Variants in RBSN observed in about 807,000 individuals in gnomAD.
The protein encoded by RBSN is rabenosyn-5.
In RBSN, 34 loss-of-function variants were observed where a neutral mutation model predicts 60.5. The ratio of observed to expected loss-of-function variants is 0.56; its 90% CI spans 0.43 to 0.75. The LOEUF (loss-of-function observed/expected upper bound fraction) is 0.75, where lower values mean the gene tolerates loss of function less well. RBSN is among the 30% of genes least tolerant of loss of function. The probability of loss-of-function intolerance (pLI) is 0.00; values close to 1 mark genes in which losing one functional copy is unlikely to be tolerated. For synonymous variants in RBSN, 322 were observed against 366.9 expected (o/e 0.88, Z 1.40); for missense variants, 845 against 986.8 (o/e 0.86, Z 1.92).
At position 15,074,003 on chromosome 3, in the gene RBSN, C is replaced by T; in HGVS notation, c.2134G>A (p.Glu712Lys). ...SSPLVPGNPF[E>K]EPTCINPFEM... ...AAGGGGTTGATACAGGTGGGTTCCT[C>T]AAAGGGGTTACCAGGAACCAGAGGG... Residue 712 changes from glutamate to lysine, a missense_variant, in exon 14 of 14, where the codon GAG becomes AAG. Physicochemically the swap from Glu to Lys is moderately conservative, Grantham distance 56 (BLOSUM62 1). Transcript: ENST00000253699. The surrounding 1 kb of genome is among the most constrained non-coding windows in gnomAD (Gnocchi z 6.4). 1.9e-6 allele frequency: 3 copies of T among 1,614,026 alleles called. No homozygotes were observed. Among genetic ancestry groups the T allele is most frequent in the Non-Finnish European group, 2.5e-6 (3 of 1,179,990 alleles).
chr3:15,086,090 C>CAA, intron 5 of RBSN, 129 bp from the exon 6 acceptor site: 9 of 163,040 alleles, frequency 5.5e-5, no homozygotes, highest in South Asian at 4.7e-4. Context: ...CCGTCTCTCT[C>CAA]CAAAAAAAAA....
At position 15,077,129 on chromosome 3, in the gene RBSN, G is replaced by C; in HGVS notation, c.1034C>G (p.Pro345Arg). 1 of 1,614,052 alleles carries C rather than the reference G, an allele frequency of 6.2e-7. No homozygotes were observed. The highest frequency in any genetic ancestry group is 8.5e-7 in the Non-Finnish European group (1 of 1,179,972). The change falls in exon 12 of 14, where the codon CCT (proline) becomes CGT (arginine). Residue 345 changes from proline (P) to arginine (R), a missense_variant. Physicochemically the swap from Pro to Arg is moderately radical, Grantham distance 103 (BLOSUM62 -2). Transcript: ENST00000253699. The surrounding 1 kb of genome is among the most constrained non-coding windows in gnomAD (Gnocchi z 4.4). ...CCGCAAATTGCTTGGATGTGGTGGAGGGTCCTGGTTCAAGCCCAAGGTTAA... is the reference window on the plus strand; with the variant it reads ...CCGCAAATTGCTTGGATGTGGTGGACGGTCCTGGTTCAAGCCCAAGGTTAA... ...KILTLGLNQDPPPHPSNLRLQ... is the reference protein window; with the variant it reads ...KILTLGLNQDRPPHPSNLRLQ...
At chr3:15,096,421 T>C (rs1282515948) in intron 3 of RBSN, 114 bp downstream of exon 3, 2 of 262,344 alleles carry the variant, frequency 7.6e-6, no homozygotes, top group Non-Finnish European at 1.4e-5. Flanking sequence ...AAACAAACTC[T>C]TTCTCAAATC....
intron 5 of RBSN, among the ~76,000 whole-genome samples, chr3:15,086,621 T>C (rs2125172689): frequency 6.6e-6 from 1 of 152,374 alleles, no homozygotes; most frequent in Admixed American, 6.5e-5. Context: ...CTTAACTGAC[T>C]CTCATGCCAA....
intron 4 of RBSN, among the ~76,000 whole-genome samples, chr3:15,092,580 T>C (rs2043545217): frequency 6.6e-6 from 1 of 152,138 alleles, no homozygotes; most frequent in Admixed American, 6.5e-5. Context: ...AGCTAATTTT[T>C]GTATTTTTTT....
At chr3:15,085,144 T>G in intron 6 of RBSN, 99 bp from the exon 7 acceptor site, 1 of 1,355,956 alleles carries the variant, frequency 7.4e-7, no homozygotes, top group South Asian at 1.2e-5. Flanking sequence ...ACATTTGCAT[T>G]CCTCAAGTCT....
At position 15,096,230 on chromosome 3, in the gene RBSN, T is replaced by G; in HGVS notation, c.-110A>C. The G allele has an allele frequency of 8.2e-7, 1 of 1,221,936 alleles. No homozygotes were observed. Among genetic ancestry groups the G allele is most frequent in the Non-Finnish European group, 1.1e-6 (1 of 922,472 alleles). 75.7% of individuals were successfully genotyped at this position (1,221,936 alleles called of 1,614,324 possible). On this transcript the variant is annotated 5_prime_UTR_variant, in exon 4 of 14. Coordinates refer to ENST00000253699, the MANE Select transcript of RBSN (RefSeq NM_022340.4). ...AGCATTAGCTTAAGCAGCACACAGA[T>G]GGTGAGGAAGTGGCTTCATGGCCCT...
chr3:15,090,100 T>C (rs562920210), intron 5 of RBSN, among the ~76,000 whole-genome samples: 1 of 152,150 alleles, frequency 6.6e-6, no homozygotes, highest in East Asian at 1.9e-4. Context: ...GTCAGAGAGA[T>C]ATGGATTCAT....
At chr3:15,097,342 C>T (rs1004478357) in intron 2 of RBSN, among the ~76,000 whole-genome samples, 1 of 151,986 alleles carries the variant, frequency 6.6e-6, no homozygotes, top group African/African-American at 2.4e-5. Flanking sequence ...TGGTGAAACC[C>T]TATCTCTACT....
At position 15,077,692 on chromosome 3, in the gene RBSN, C is replaced by T. The variant is rs2043089065; in HGVS notation, c.998+383G>A. Among the ~76,000 whole-genome samples the T allele has an allele frequency of 6.6e-6, 1 of 152,116 alleles. No homozygotes were observed. Among genetic ancestry groups the T allele is most frequent in the Non-Finnish European group, 1.5e-5 (1 of 68,036 alleles). ...TTGAGCACAGACACAAAGAAAGAAC[C>T]TGAGTTTCTATCTTCACTCCACAAT... On this transcript the variant is annotated intron_variant, in intron 11 of 13. Transcript: ENST00000253699. This position sits in a 1 kb window ranked among gnomAD's most constrained non-coding sequence, Gnocchi z 4.4.
In RBSN at chr3:15,077,184, T is replaced by C; in HGVS notation, c.999-20A>G. On this transcript the variant is annotated intron_variant, in intron 11 of 13. Coordinates refer to ENST00000253699, the MANE Select transcript of RBSN (RefSeq NM_022340.4). This position sits in a 1 kb window ranked among gnomAD's most constrained non-coding sequence, Gnocchi z 4.4. ...TTCTTACTGAATTGGAACAAACACA[T>C]GAATATAATGAGCACTGCCAGCTTC... 6.3e-7 allele frequency: 1 copy of C among 1,594,602 alleles called. No homozygotes were observed. Among genetic ancestry groups the C allele is most frequent in the Non-Finnish European group, 8.6e-7 (1 of 1,162,368 alleles).
At position 15,079,398 on chromosome 3, in the gene RBSN, T is replaced by C. The variant is rs551157318; in HGVS notation, c.912-1237A>G. 5.3e-5 allele frequency among the ~76,000 whole-genome samples: 8 copies of C among 152,144 alleles called. No homozygotes were observed. The South Asian group carries it at 1.7e-3, about 32-fold the overall frequency. Reference sequence around the variant, plus strand: ...TATGGAATGTTACTCTATGGTAATATATAGTTACCATAAAACCCAGCAATT... The same window carrying C: ...TATGGAATGTTACTCTATGGTAATACATAGTTACCATAAAACCCAGCAATT... On this transcript the variant is annotated intron_variant, in intron 10 of 13. Coordinates refer to ENST00000253699, the MANE Select transcript of RBSN (RefSeq NM_022340.4).
In RBSN at chr3:15,082,587, T is replaced by G. The variant is rs1367475308; in HGVS notation, c.620A>C (p.Lys207Thr). 6.2e-7 allele frequency: 1 copy of G among 1,614,086 alleles called. No homozygotes were observed. The highest frequency in any genetic ancestry group is 2.2e-5 in the East Asian group (1 of 44,874). ...GCTGGTGTGGGTGCTCAGGGACTCC[T>G]TGCTGGCACTGGTGAGCTTGTCTGT... ...PLANKLTSASKESLSTHTSPS... is the reference protein window; with the variant it reads ...PLANKLTSASTESLSTHTSPS... The change falls in exon 9 of 14, where the codon AAG becomes ACG. Residue 207 changes from lysine to threonine, a missense_variant. Transcript: ENST00000253699. The surrounding 1 kb of genome is among the most constrained non-coding windows in gnomAD (Gnocchi z 4.2).
rs371861411 is a variant in RBSN, at chr3:15,085,081, C to G, written c.391-36G>C. 9 of 1,612,514 alleles carry G rather than the reference C, an allele frequency of 5.6e-6. No homozygotes were observed. In the Admixed American group the frequency reaches 1.5e-4, roughly 27 times the overall value. Reference sequence around the variant, plus strand: ...GAAAATAGTGCCAAATGAAATTAACCAGGTGATGTATACATGCTCCACACT... The same window carrying G: ...GAAAATAGTGCCAAATGAAATTAACGAGGTGATGTATACATGCTCCACACT... On this transcript the variant is annotated intron_variant, in intron 6 of 13. Coordinates refer to ENST00000253699, the MANE Select transcript of RBSN (RefSeq NM_022340.4).
At chr3:15,091,020 G>A (rs942925050) in intron 4 of RBSN, among the ~76,000 whole-genome samples, 1 of 151,552 alleles carries the variant, frequency 6.6e-6, no homozygotes, top group Non-Finnish European at 1.5e-5. Flanking sequence ...GCCAGCCTGG[G>A]CAACATGACA....
Position 15,082,301 on chromosome 3 carries a change from A to C in RBSN, c.840+66T>G. On this transcript the variant is annotated intron_variant, in intron 9 of 13. Coordinates refer to ENST00000253699, the MANE Select transcript of RBSN (RefSeq NM_022340.4). The surrounding 1 kb of genome is among the most constrained non-coding windows in gnomAD (Gnocchi z 4.2). Reference sequence around the variant, plus strand: ...CAAAGCATTCTCCAGAATCTGCAGGAGTGTACATAACAAACAGCCAAATCT... The same window carrying C: ...CAAAGCATTCTCCAGAATCTGCAGGCGTGTACATAACAAACAGCCAAATCT... 1.9e-6 allele frequency: 3 copies of C among 1,571,598 alleles called. No homozygotes were observed. The highest frequency in any genetic ancestry group is 3.4e-4 in the Middle Eastern group (2 of 5,914).
rs78731075 is a variant in RBSN, at chr3:15,077,694, G to A, written c.998+381C>T. 1.8e-4 allele frequency among the ~76,000 whole-genome samples: 27 copies of A among 152,252 alleles called. 1 individual carries two copies. In the East Asian group the frequency reaches 5.0e-3, roughly 28 times the overall value. On this transcript the variant is annotated intron_variant, in intron 11 of 13. Transcript: ENST00000253699. The surrounding 1 kb of genome is among the most constrained non-coding windows in gnomAD (Gnocchi z 4.4). ...GAGCACAGACACAAAGAAAGAACCT[G>A]AGTTTCTATCTTCACTCCACAATTT...
intron 4 of RBSN, among the ~76,000 whole-genome samples, chr3:15,091,801 A>G (rs1389069575): frequency 1.3e-5 from 2 of 152,218 alleles, no homozygotes; most frequent in Non-Finnish European, 2.9e-5. Context: ...TTCACAAACT[A>G]TGCCTCTGCA....
intron 13 of RBSN, chr3:15,075,299 C>A (rs932995600): frequency 1.6e-6 from 1 of 618,764 alleles, no homozygotes; most frequent in African/African-American, 1.8e-5. Context: ...CCGATATGTT[C>A]TACAAGGAAC....
Sources: gnomAD v4.1 joint callset for allele counts (sites outside exome capture counted in the v4.1 genomes callset) on GRCh38, gnomAD v4.1.1 for gene constraint, Gnocchi (gnomAD v3.1) non-coding constraint, MANE v1.5 for transcripts, NCBI Gene and HGNC (gene_info 2026-07-23, HGNC 2026-07-21) for gene names.